Variants in TAOK3 observed in about 807,000 individuals in gnomAD.
The protein encoded by TAOK3 is serine/threonine-protein kinase TAO3.
A neutral mutation model predicts 120.4 loss-of-function variants in TAOK3; 40 were observed. That is an observed-to-expected ratio of 0.33 (90% confidence interval 0.26 to 0.43). The LOEUF (loss-of-function observed/expected upper bound fraction) is 0.43, where lower values mean the gene tolerates loss of function less well. Ranked by LOEUF, TAOK3 falls within the 20% of genes least tolerant of loss-of-function variation. The pLI is 1.00. For missense variants in TAOK3, 821 were observed against 1,112.1 expected (o/e 0.74, Z 3.72); for synonymous variants, 355 against 387.5 (o/e 0.92, Z 0.99).
At chr12:118,176,511 T>A (rs1039303806) in intron 16 of TAOK3, among the ~76,000 whole-genome samples, 2 of 152,138 alleles carry the variant, frequency 1.3e-5, no homozygotes, top group African/African-American at 4.8e-5. Flanking sequence ...CTTTGACTGA[T>A]GTGGAAAATA....
At chr12:118,217,359 T>C (rs1000870639) in intron 9 of TAOK3, among the ~76,000 whole-genome samples, 3 of 152,156 alleles carry the variant, frequency 2.0e-5, no homozygotes, top group African/African-American at 7.2e-5. Context: ...GGGCATCTTA[T>C]AGTCTTGATT....
intron 1 of TAOK3, among the ~76,000 whole-genome samples, chr12:118,329,979 A>G (rs1347650165): frequency 6.6e-6 from 1 of 152,220 alleles, no homozygotes; most frequent in Non-Finnish European, 1.5e-5. Context: ...CTTTCCATTC[A>G]GTCAGAACTC....
intron 15 of TAOK3, among the ~76,000 whole-genome samples, chr12:118,178,021 A>G (rs1593051213): frequency 6.6e-6 from 1 of 151,976 alleles, no homozygotes; most frequent in African/African-American, 2.4e-5. Context: ...AGCATAGCTC[A>G]CTGCAGCCTA....
At position 118,185,132 on chromosome 12, in the gene TAOK3, G is replaced by A. The variant is rs2036998418; in HGVS notation, c.1330-3525C>T. On this transcript the variant is annotated intron_variant, in intron 14 of 20. Coordinates refer to ENST00000392533, the MANE Select transcript of TAOK3 (RefSeq NM_016281.4). ...AAAAAAAAAAACTAGCTGTATCCAG[G>A]TTGTGGATTATAAAATTATGTATAA... 2.0e-5 allele frequency among the ~76,000 whole-genome samples: 3 copies of A among 151,870 alleles called. No individual in the cohort carries two copies. In the East Asian group the frequency reaches 5.8e-4, roughly 29 times the overall value.
At chr12:118,291,671 G>C (rs2042486947) in intron 1 of TAOK3, among the ~76,000 whole-genome samples, 1 of 151,940 alleles carries the variant, frequency 6.6e-6, no homozygotes, top group Non-Finnish European at 1.5e-5. Context: ...CAACTAATTT[G>C]TTCAATAATC....
chr12:118,294,886 A>C (rs2042618169), intron 1 of TAOK3, among the ~76,000 whole-genome samples: 1 of 152,110 alleles, frequency 6.6e-6, no homozygotes, highest in African/African-American at 2.4e-5. Flanking sequence ...AATGGAACTA[A>C]CATCAAGTAA....
At chr12:118,234,212 A>AGTTTTTTTTTTT (rs2039913055) in intron 8 of TAOK3, among the ~76,000 whole-genome samples, 1 of 58,322 alleles carries the variant, frequency 1.7e-5, no homozygotes, top group Non-Finnish European at 3.1e-5. Context: ...AAAGCAGGAA[A>AGTTTTTTTTTTT]TTTTTTTTTT....
At chr12:118,255,805 G>T (rs565591235) in intron 2 of TAOK3, 150 bp from the exon 3 acceptor site, 1 of 403,152 alleles carries the variant, frequency 2.5e-6, no homozygotes, top group Admixed American at 4.3e-5. Context: ...ACATATGGCC[G>T]GGCGCGGTGG....
chr12:118,222,339 C>G (rs1051360422), intron 9 of TAOK3, among the ~76,000 whole-genome samples: 3 of 152,012 alleles, frequency 2.0e-5, no homozygotes, highest in Non-Finnish European at 4.4e-5. Context: ...TCGAGATGAT[C>G]CTTGCTAACA....
At chr12:118,246,244 A>C in intron 3 of TAOK3, 8 of 1,474,504 alleles carry the variant, frequency 5.4e-6, no homozygotes, top group Non-Finnish European at 7.5e-6. Context: ...CGCGGAGGCA[A>C]GGCCGAGGAT....
At chr12:118,265,113 G>A (rs546649428) in intron 2 of TAOK3, among the ~76,000 whole-genome samples, 3 of 151,786 alleles carry the variant, frequency 2.0e-5, no homozygotes, top group African/African-American at 4.8e-5. Flanking sequence ...ATTCTGGGCC[G>A]GGCATGGTGG....
chr12:118,358,770 T>G (rs866981043), intron 1 of TAOK3: 2 of 152,168 alleles, frequency 1.3e-5, no homozygotes, highest in Non-Finnish European at 2.9e-5. Context: ...ACTTTTGAGG[T>G]TGATTACTCT....
chr12:118,227,047 C>T (rs1363921232), intron 9 of TAOK3, among the ~76,000 whole-genome samples: 8 of 151,628 alleles, frequency 5.3e-5, no homozygotes, highest in Admixed American at 1.3e-4. Context: ...TGTCAAATTT[C>T]GGAAAGATTT....
At chr12:118,159,381 GC>G (rs2035066551) in intron 19 of TAOK3, among the ~76,000 whole-genome samples, 1 of 150,566 alleles carries the variant, frequency 6.6e-6, no homozygotes, top group African/African-American at 2.5e-5. Flanking sequence ...TGTGATCTCA[GC>G]TCACTGCAAC....
intron 1 of TAOK3, among the ~76,000 whole-genome samples, chr12:118,369,329 C>T (rs58401336): frequency 2.6e-3 from 389 of 152,274 alleles, no homozygotes; most frequent in African/African-American, 8.9e-3. Context: ...CCTAACCCCC[C>T]AGGGAATGAA....
chr12:118,174,612 T>C (rs116837274), intron 16 of TAOK3, among the ~76,000 whole-genome samples: 2,654 of 152,240 alleles, frequency 0.017, 73 homozygotes, highest in East Asian at 0.07. Context: ...TGGCCTCCAG[T>C]GGATGAGTGG....
chr12:118,264,705 A>G lies in TAOK3; in HGVS notation c.-89+1950T>C, dbSNP rs571572707. 4.6e-5 allele frequency among the ~76,000 whole-genome samples: 7 copies of G among 152,322 alleles called. No individual in the cohort carries two copies. The South Asian group carries it at 8.3e-4, about 18-fold the overall frequency. ...CTGTTAAAACAAATTATGCTCTTTA[A>G]ATATGTACACATTATTGTTGTAGAA... is the stretch of plus-strand genomic sequence containing the variant. On this transcript the variant is annotated intron_variant, in intron 2 of 20. Coordinates refer to ENST00000392533, the MANE Select transcript of TAOK3 (RefSeq NM_016281.4).
Position 118,262,845 on chromosome 12 carries a change from CG to C in TAOK3, c.-89+3809del, listed in dbSNP as rs1330912118. 1.1e-3 allele frequency among the ~76,000 whole-genome samples: 152 copies of C among 133,374 alleles called. 1 individual carries two copies. The highest frequency in any genetic ancestry group is 3.9e-3 in the African/African-American group (139 of 35,394). 87.5% of individuals were successfully genotyped at this position (133,374 alleles called of 152,430 possible). A position where few individuals can be genotyped will look rare whatever the true frequency, so the allele number is the denominator to read the frequency against. On this transcript the variant is annotated intron_variant, in intron 2 of 20. Coordinates refer to ENST00000392533, the MANE Select transcript of TAOK3 (RefSeq NM_016281.4). ...CCGTCTCAAAAAAAAAAAAAAAAAG[CG>C]AAATACTTAGGGATCAATGCGACAA...
rs145494472 is a variant in TAOK3, at chr12:118,242,932, T to C, written c.294+483A>G. 1.8e-3 allele frequency among the ~76,000 whole-genome samples: 266 copies of C among 148,228 alleles called. 4 individuals carry two copies. In the East Asian group the frequency reaches 0.023, roughly 13 times the overall value. On this transcript the variant is annotated intron_variant, in intron 5 of 20. Coordinates refer to ENST00000392533, the MANE Select transcript of TAOK3 (RefSeq NM_016281.4). ...GTGTGTCTGTGTGTGTGTGCATGTG[T>C]ATATATATTTATATATATATATCAC...
Sources: allele counts gnomAD v4.1 joint callset (sites outside exome capture counted in the v4.1 genomes callset), GRCh38; gene constraint gnomAD v4.1.1; transcripts MANE v1.5; gene names NCBI Gene and HGNC (gene_info 2026-07-23, HGNC 2026-07-21).